The following REEP2 variants were observed in gnomAD, a reference collection of about 807,000 sequenced individuals.
The protein encoded by REEP2 is receptor expression-enhancing protein 2.
In REEP2, 9 loss-of-function variants were observed where a neutral mutation model predicts 32.1. The observed-to-expected ratio is 0.28, with a 90% CI of 0.17 to 0.49. The LOEUF is 0.49. Among genes scored for constraint, REEP2 ranks in the 20% least tolerant of loss-of-function variants. The pLI is 0.99. For missense variants in REEP2, 236 were observed against 338.0 expected, an observed-to-expected ratio of 0.70 and a Z score of 2.37; for synonymous variants, 128 against 139.1, an observed-to-expected ratio of 0.92 and a Z score of 0.56.
rs1474566666 is a variant in REEP2, at chr5:138,441,276, C to A, written c.106-109C>A. ...CATGGCTGGCAGGCAGAAGTGGGGT[C>A]CTTGGTGTTCTCCCCAGCCCAGGCA... On this transcript the variant is annotated intron_variant, in intron 2 of 7. Transcript: ENST00000378339. The surrounding 1 kb of genome is among the most constrained non-coding windows in gnomAD (Gnocchi z 4.4). The A allele has an allele frequency of 7.8e-7, 1 of 1,278,884 alleles. No individual in the cohort carries two copies. Among genetic ancestry groups the A allele is most frequent in the Non-Finnish European group, 1.1e-6 (1 of 879,462 alleles). 79.2% of individuals were successfully genotyped at this position (1,278,884 alleles called of 1,614,324 possible). A position where few individuals can be genotyped will look rare whatever the true frequency, so the allele number is the denominator to read the frequency against.
intron 3 of REEP2, among the ~76,000 whole-genome samples, chr5:138,442,622 G>A (rs566670786): frequency 2.0e-5 from 3 of 152,098 alleles, no homozygotes; most frequent in East Asian, 1.9e-4. Flanking sequence ...TTGGGAGGCC[G>A]AGGTGGGCGG....
intron 5 of REEP2, 44 bp from the exon 6 acceptor site, chr5:138,445,184 C>A: frequency 6.5e-7 from 1 of 1,542,758 alleles, no homozygotes; most frequent in Non-Finnish European, 8.7e-7. Flanking sequence ...ATCTCCACCC[C>A]GCCCCTTCCC....
In REEP2 at chr5:138,441,243, G is replaced by A. The variant is rs951333620; in HGVS notation, c.106-142G>A. On this transcript the variant is annotated intron_variant, in intron 2 of 7. Coordinates refer to ENST00000378339, the MANE Select transcript of REEP2 (RefSeq NM_001271803.2). This position sits in a 1 kb window ranked among gnomAD's most constrained non-coding sequence, Gnocchi z 4.4. ...GAGGGCCCTGGGTGTCCCACACAGC[G>A]CCTCCAACATGGCTGGCAGGCAGAA... 6.2e-5 allele frequency: 78 copies of A among 1,258,068 alleles called. 1 individual carries two copies. The Admixed American group carries it at 1.2e-3, about 19-fold the overall frequency. The allele number at this position is 1,258,068 out of a possible 1,614,324, so 77.9% of individuals were successfully genotyped here.
rs780705628 is a variant in REEP2, at chr5:138,445,290, G to A, written c.480G>A (p.Arg160=). 1.9e-6 allele frequency: 3 copies of A among 1,613,432 alleles called. No individual in the cohort carries two copies. In the African/African-American group the frequency reaches 4.0e-5, roughly 22 times the overall value. ...GCATGCAGGACCTGACCCTGATCCG[G>A]GACGAGGACGCACTGCCCCTGCAGA... is the stretch of plus-strand genomic sequence containing the variant. ...SFSMQDLTLI[R]DEDALPLQRP... Residue 160 remains arginine (R), a synonymous_variant, in exon 6 of 8, where the codon CGG becomes CGA. Transcript: ENST00000378339.
intron 4 of REEP2, 82 bp from the exon 5 acceptor site, chr5:138,444,672 G>T: frequency 6.4e-7 from 1 of 1,562,472 alleles, no homozygotes; most frequent in South Asian, 1.1e-5. Flanking sequence ...TGGCCTCCCG[G>T]AGCAGGCAGG....
At position 138,444,774 on chromosome 5, in the gene REEP2, G is replaced by A. The variant is rs150568316; in HGVS notation, c.324G>A (p.Thr108=). Residue 108 remains threonine, a synonymous_variant, in exon 5 of 8, where the codon ACG becomes ACA. Transcript: ENST00000378339. ...NKEKEIDEYI[T]QARDKSYETM... ...CATAGGAGATCGACGAGTACATCAC[G>A]CAGGCCCGAGACAAGAGCTATGAGA... is the stretch of plus-strand genomic sequence containing the variant. 3.7e-6 allele frequency: 6 copies of A among 1,613,948 alleles called. No individual in the cohort carries two copies. Among genetic ancestry groups the A allele is most frequent in the Admixed American group, 1.7e-5 (1 of 59,996 alleles).
Position 138,439,167 on chromosome 5 carries a change from GGCCGGGCCGGGTCCCCGCCCCGC to G in REEP2, c.-37_-15del. On this transcript the variant is annotated 5_prime_UTR_variant, in exon 1 of 8. Transcript: ENST00000378339. Reference sequence around the variant, plus strand: ...CTCGGCCTCAGGCAGCTGCATCCTCGGCCGGGCCGGGTCCCCGCCCCGCGCCGCGCCCGGCCCCGCCATGGTGT... The same window carrying G: ...CTCGGCCTCAGGCAGCTGCATCCTCGGCCGCGCCCGGCCCCGCCATGGTGT... 1 of 1,326,902 alleles carries G rather than the reference GGCCGGGCCGGGTCCCCGCCCCGC, an allele frequency of 7.5e-7. No individual in the cohort carries two copies. Among genetic ancestry groups the G allele is most frequent in the South Asian group, 2.4e-5 (1 of 41,752 alleles). The allele number at this position is 1,326,902 out of a possible 1,614,324, so 82.2% of individuals were successfully genotyped here.
In REEP2 at chr5:138,446,864, A is replaced by C. The variant is rs1763945055; in HGVS notation, c.*1113A>C. ...GGCCAGGAGGAACACGTGAAGGAGA[A>C]AGAGAAATGCAGGAGCCGCGGGGCT... On this transcript the variant is annotated 3_prime_UTR_variant, in exon 8 of 8. Transcript: ENST00000378339. 1 of 152,324 alleles carries C rather than the reference A, an allele frequency of 6.6e-6. No homozygotes were observed. Among genetic ancestry groups the C allele is most frequent in the Non-Finnish European group, 1.5e-5 (1 of 68,104 alleles). The allele number at this position is 152,324 out of a possible 1,614,324, so 9.4% of individuals were successfully genotyped here.
At chr5:138,439,546 G>A in intron 1 of REEP2, 1 of 507,576 alleles carries the variant, frequency 2.0e-6, no homozygotes, top group Non-Finnish European at 3.7e-6. Context: ...TTTAAAAGGG[G>A]AGGCAGGCGC....
Position 138,445,257 on chromosome 5 carries a change from C to A in REEP2, c.447C>A (p.Arg149=). ...KGQGVLSEKL[R]SFSMQDLTLI... is the part of the protein sequence containing the mutation. ...AGGGGGTGCTGTCAGAGAAGCTCCGCAGCTTCAGCATGCAGGACCTGACCC... is the reference window on the plus strand; with the variant it reads ...AGGGGGTGCTGTCAGAGAAGCTCCGAAGCTTCAGCATGCAGGACCTGACCC... The change falls in exon 6 of 8, where the codon CGC becomes CGA. Residue 149 remains arginine (R), a synonymous_variant. Coordinates refer to ENST00000378339, the MANE Select transcript of REEP2 (RefSeq NM_001271803.2). 6.2e-7 allele frequency: 1 copy of A among 1,612,242 alleles called. No homozygotes were observed. The highest frequency in any genetic ancestry group is 8.5e-7 in the Non-Finnish European group (1 of 1,179,322).
In REEP2 at chr5:138,445,328, G is replaced by A. The variant is rs765325391; in HGVS notation, c.518G>A (p.Arg173His). The A allele has an allele frequency of 6.2e-6, 10 of 1,613,340 alleles. No homozygotes were observed. Among genetic ancestry groups the A allele is most frequent in the South Asian group, 5.5e-5 (5 of 91,046 alleles). ...CTGCCCCTGCAGAGGCCTGACGGCC[G>A]CCTCCGACCCAGCCCTGGCAGCCTC... Reference protein sequence around the residue: ...DALPLQRPDGRLRPSPGSLLD... With the variant: ...DALPLQRPDGHLRPSPGSLLD... The change falls in exon 6 of 8, where the codon CGC becomes CAC. Residue 173 changes from arginine to histidine, a missense_variant. Arg to His is a conservative substitution (Grantham distance 29, BLOSUM62 0). Transcript: ENST00000378339.
Position 138,445,394 on chromosome 5 carries a change from G to T in REEP2, c.565+19G>T, listed in dbSNP as rs866671420. Reference sequence around the variant, plus strand: ...GACTTAGGTACAGGCAGGGCCCGGGGTTGGGGTGGGGCCCCAAGGGCAAGG... The same window carrying T: ...GACTTAGGTACAGGCAGGGCCCGGGTTTGGGGTGGGGCCCCAAGGGCAAGG... On this transcript the variant is annotated intron_variant, in intron 6 of 7. Coordinates refer to ENST00000378339, the MANE Select transcript of REEP2 (RefSeq NM_001271803.2). The T allele has an allele frequency of 1.9e-6, 3 of 1,612,474 alleles. No homozygotes were observed. Among genetic ancestry groups the T allele is most frequent in the South Asian group, 2.2e-5 (2 of 90,960 alleles).
Position 138,446,134 on chromosome 5 carries a change from A to T in REEP2, c.*383A>T. ...TTTCCACTGCTCGCCTTGGTTTGGG[A>T]GCAGGGAGGGGGAAGTCCTAGCCCA... is the stretch of plus-strand genomic sequence containing the variant. On this transcript the variant is annotated 3_prime_UTR_variant, in exon 8 of 8. Transcript: ENST00000378339. 1 of 193,554 alleles carries T rather than the reference A, an allele frequency of 5.2e-6. No homozygotes were observed. Among genetic ancestry groups the T allele is most frequent in the South Asian group, 1.1e-4 (1 of 8,756 alleles). The allele number at this position is 193,554 out of a possible 1,614,324, so 12.0% of individuals were successfully genotyped here. A position where few individuals can be genotyped will look rare whatever the true frequency, so the allele number is the denominator to read the frequency against.
At chr5:138,445,134 C>A in intron 5 of REEP2, 94 bp from the exon 6 acceptor site, 1 of 1,371,896 alleles carries the variant, frequency 7.3e-7, no homozygotes, top group Non-Finnish European at 9.9e-7. Context: ...GTGGGGAGGG[C>A]ACCGAGCCTG....
At chr5:138,442,591 C>T (rs1277786638) in intron 3 of REEP2, among the ~76,000 whole-genome samples, 2 of 152,140 alleles carry the variant, frequency 1.3e-5, no homozygotes, top group African/African-American at 4.8e-5. Context: ...CGCAGTGGCT[C>T]ACACCTGTAA....
In REEP2 at chr5:138,444,485, A is replaced by G; in HGVS notation, c.253A>G (p.Ser85Gly). The change falls in exon 4 of 8, where the codon AGC (serine) becomes GGC (glycine). Residue 85 changes from serine to glycine, a missense_variant. By Grantham distance (56) the Ser-to-Gly change is moderately conservative. Transcript: ENST00000378339. The part of the protein sequence containing the change: ...WLLSPYTKGS[S>G]VLYRKFVHPT... The stretch of plus-strand genomic sequence containing the variant: ...GCTGTCCCCTTACACCAAGGGCTCC[A>G]GCGTGCTCTACCGCAAGTTCGTGCA... The G allele has an allele frequency of 2.5e-6, 4 of 1,614,108 alleles. No individual in the cohort carries two copies. Among genetic ancestry groups the G allele is most frequent in the Non-Finnish European group, 3.4e-6 (4 of 1,180,004 alleles).
chr5:138,442,860 C>CAAA (rs71574416), intron 3 of REEP2, among the ~76,000 whole-genome samples: 1 of 119,596 alleles, frequency 8.4e-6, no homozygotes, highest in African/African-American at 3.2e-5. Context: ...GATTCTGTCT[C>CAAA]AAAAAAAAAA....
In REEP2 at chr5:138,445,441, C is replaced by T. The variant is rs771348630; in HGVS notation, c.566-27C>T. ...AAGGAGTCCAGATGGGAAAGATTCC[C>T]CCACCTCCTTTTCTCCCTGCACCCA... On this transcript the variant is annotated intron_variant, in intron 6 of 7. Transcript: ENST00000378339. The T allele has an allele frequency of 2.1e-5, 34 of 1,613,940 alleles. No homozygotes were observed. In the South Asian group the frequency reaches 3.3e-4, roughly 16 times the overall value.
rs1340428773 is a variant in REEP2 at position 138,439,080 on chromosome 5, C to CGCGGCGGCTGCT, written c.-126_-115dup. The CGCGGCGGCTGCT allele has an allele frequency of 6.2e-6, 2 of 320,810 alleles. No individual in the cohort carries two copies. The highest frequency in any genetic ancestry group is 2.2e-5 in the African/African-American group (1 of 44,804). 19.9% of individuals were successfully genotyped at this position (320,810 alleles called of 1,614,324 possible). A position where few individuals can be genotyped will look rare whatever the true frequency, so the allele number is the denominator to read the frequency against. On this transcript the variant is annotated 5_prime_UTR_variant, in exon 1 of 8. Coordinates refer to ENST00000378339, the MANE Select transcript of REEP2 (RefSeq NM_001271803.2). ...GCGGCGCTGGGCGCTCCGCTGCCCC[C>CGCGGCGGCTGCT]GCGGCGGCTGCTGCAGCGGCTGCTG...
Sources: gnomAD v4.1 joint callset for allele counts (sites outside exome capture counted in the v4.1 genomes callset) on GRCh38, gnomAD v4.1.1 for gene constraint, Gnocchi (gnomAD v3.1) non-coding constraint, MANE v1.5 for transcripts, NCBI Gene and HGNC (gene_info 2026-07-23, HGNC 2026-07-21) for gene names.